TULP4: variants seen among roughly 807,000 people sequenced by gnomAD.
TULP4 encodes tubby-related protein 4.
In TULP4, 16 loss-of-function variants were observed where a neutral mutation model predicts 129.0. The ratio of observed to expected loss-of-function variants is 0.12; its 90% confidence interval spans 0.08 to 0.19. The LOEUF (loss-of-function observed/expected upper bound fraction) is 0.19. Ranked by LOEUF, TULP4 falls within the 10% of genes least tolerant of loss-of-function variation. The pLI, the probability that TULP4 is intolerant of heterozygous loss-of-function variation, is 1.00. For synonymous variants in TULP4, 998 were observed against 854.0 expected, an observed-to-expected ratio of 1.17 and a Z score of -2.94; for missense variants, 1,842 against 2,059.1, an observed-to-expected ratio of 0.89 and a Z score of 2.04.
chr6:158,481,214 A>G lies in TULP4; in HGVS notation c.1411A>G (p.Ile471Val). The G allele has an allele frequency of 6.2e-7, 1 of 1,614,230 alleles. No individual in the cohort carries two copies. The highest frequency in any genetic ancestry group is 1.3e-5 in the African/African-American group (1 of 75,062). ...GGAGTACCTGGGCGGGCTTGTGCCC[A>G]TCCTCAAAGGGCGGCGCATCAGCAA... Reference protein sequence around the residue: ...YLEYLGGLVPILKGRRISKLR... With the variant: ...YLEYLGGLVPVLKGRRISKLR... Residue 471 changes from isoleucine to valine, a missense_variant, in exon 8 of 14, where the codon ATC (isoleucine) becomes GTC (valine). Transcript: ENST00000367097.
At chr6:158,344,597 G>C (rs1780259670) in intron 1 of TULP4, among the ~76,000 whole-genome samples, 1 of 152,142 alleles carries the variant, frequency 6.6e-6, no homozygotes, top group Non-Finnish European at 1.5e-5. Flanking sequence ...GACACAAACT[G>C]TGTGCATATA....
At chr6:158,382,507 C>G (rs192310104) in intron 1 of TULP4, among the ~76,000 whole-genome samples, 1 of 152,272 alleles carries the variant, frequency 6.6e-6, no homozygotes, top group East Asian at 1.9e-4. Flanking sequence ...CAAGCAGCAG[C>G]GAGGGTGAGA....
intron 1 of TULP4, among the ~76,000 whole-genome samples, chr6:158,251,255 T>A (rs1435983586): frequency 6.6e-6 from 1 of 152,242 alleles, no homozygotes; most frequent in Admixed American, 6.5e-5. Context: ...AGATTGTTAA[T>A]CAGCTGGGAT....
At chr6:158,263,616 C>T (rs182116681) in intron 1 of TULP4, among the ~76,000 whole-genome samples, 21 of 152,118 alleles carry the variant, frequency 1.4e-4, no homozygotes, top group African/African-American at 2.2e-4. Flanking sequence ...ATTAGCTGGG[C>T]GTGATGGGAT....
intron 1 of TULP4, among the ~76,000 whole-genome samples, chr6:158,398,834 C>G (rs947678975): frequency 5.9e-5 from 9 of 152,156 alleles, no homozygotes; most frequent in Admixed American, 5.2e-4. Flanking sequence ...TCTCAGTGTA[C>G]TGGTATTTGC....
upstream of TULP4, among the ~76,000 whole-genome samples, chr6:158,281,929 T>G (rs1778761103): frequency 1.3e-5 from 2 of 152,322 alleles, no homozygotes; most frequent in East Asian, 3.9e-4. Context: ...ACTAGTCAGT[T>G]TCCTCATTTC....
intron 1 of TULP4, among the ~76,000 whole-genome samples, chr6:158,404,009 C>T (rs990034294): frequency 6.6e-6 from 1 of 152,186 alleles, no homozygotes; most frequent in Non-Finnish European, 1.5e-5. Flanking sequence ...GCAACATTTG[C>T]ATCATATGGT....
At chr6:158,234,825 A>G (rs1388617097) in intron 1 of TULP4, among the ~76,000 whole-genome samples, 1 of 152,234 alleles carries the variant, frequency 6.6e-6, no homozygotes, top group East Asian at 1.9e-4. Flanking sequence ...CTAAATTGTA[A>G]CATACTAAAC....
intron 1 of TULP4, among the ~76,000 whole-genome samples, chr6:158,370,082 C>G (rs1777038888): frequency 1.3e-5 from 2 of 152,028 alleles, no homozygotes; most frequent in Admixed American, 6.5e-5. Flanking sequence ...CATCGTGGCG[C>G]ATGCCAGTGG....
chr6:158,379,723 C>T (rs1441935861), intron 1 of TULP4, among the ~76,000 whole-genome samples: 1 of 152,074 alleles, frequency 6.6e-6, no homozygotes, highest in Non-Finnish European at 1.5e-5. Flanking sequence ...GCTTCTCGAT[C>T]AGGACAAAGA....
chr6:158,366,863 A>G (rs745378929), intron 1 of TULP4, among the ~76,000 whole-genome samples: 13 of 152,146 alleles, frequency 8.5e-5, no homozygotes, highest in Non-Finnish European at 1.6e-4. Flanking sequence ...CAAAAATTCT[A>G]AGTTGCCGTA....
At chr6:158,287,049 CATT>C (rs767014254) in intron 1 of TULP4, among the ~76,000 whole-genome samples, 70 of 152,236 alleles carry the variant, frequency 4.6e-4, no homozygotes, top group Middle Eastern at 3.4e-3. Flanking sequence ...GTGATGAAGG[CATT>C]ATTTCTTGCC....
intron 1 of TULP4, among the ~76,000 whole-genome samples, chr6:158,243,847 GGTGT>G (rs57298904): frequency 0.049 from 7,022 of 143,490 alleles, 220 homozygotes; most frequent in East Asian, 0.12. Flanking sequence ...AGCTGAAATA[GGTGT>G]GTGTGTGTGT....
chr6:158,486,469 C>T (rs899072785), intron 8 of TULP4, among the ~76,000 whole-genome samples: 8 of 152,016 alleles, frequency 5.3e-5, no homozygotes, highest in South Asian at 2.1e-4. Flanking sequence ...AGGAGAATGG[C>T]GTGAACCTGG....
intron 1 of TULP4, 74 bp from the exon 2 acceptor site, chr6:158,412,990 CT>C: frequency 6.5e-7 from 1 of 1,542,334 alleles, no homozygotes; most frequent in Non-Finnish European, 8.8e-7. Context: ...TAGTTCAAGT[CT>C]GATCACATCA....
rs1311307814 is a variant in TULP4, at chr6:158,413,577, G to GAC, written c.381+384_381+385insAC. On this transcript the variant is annotated intron_variant, in intron 2 of 13. Coordinates refer to ENST00000367097, the MANE Select transcript of TULP4 (RefSeq NM_020245.5). The surrounding 1 kb of genome is among the most constrained non-coding windows in gnomAD (Gnocchi z 4.9). ...TGTCATCTCAGCGGTCTCATGGAGA[G>GAC]CTTCACGTGACTTCTCACAACCTGC... 3.0e-4 allele frequency among the ~76,000 whole-genome samples: 46 copies of GAC among 152,330 alleles called. No individual in the cohort carries two copies. Among genetic ancestry groups the GAC allele is most frequent in the Middle Eastern group, 3.4e-3 (1 of 294 alleles).
intron 1 of TULP4, among the ~76,000 whole-genome samples, chr6:158,405,347 A>G (rs749709670): frequency 8.5e-5 from 13 of 152,190 alleles, no homozygotes; most frequent in Non-Finnish European, 1.5e-4. Context: ...GGAATTAGAA[A>G]AGACAGTTTG....
At chr6:158,360,190 C>T (rs193202758) in intron 1 of TULP4, among the ~76,000 whole-genome samples, 1 of 151,890 alleles carries the variant, frequency 6.6e-6, no homozygotes, top group East Asian at 1.9e-4. Flanking sequence ...CATGCCAGCA[C>T]AATGTGCCTG....
intron 1 of TULP4, among the ~76,000 whole-genome samples, chr6:158,387,413 A>T (rs939554019): frequency 2.6e-5 from 4 of 152,038 alleles, no homozygotes; most frequent in African/African-American, 7.2e-5. Flanking sequence ...TGATTAATCT[A>T]AAAAAAAGGA....
Sources: gnomAD v4.1 joint callset for allele counts (sites outside exome capture counted in the v4.1 genomes callset) on GRCh38, gnomAD v4.1.1 for gene constraint, Gnocchi (gnomAD v3.1) non-coding constraint, MANE v1.5 for transcripts, NCBI Gene and HGNC (gene_info 2026-07-23, HGNC 2026-07-21) for gene names.